Variants in UBE3C observed in about 807,000 individuals in gnomAD.
UBE3C encodes ubiquitin-protein ligase E3C.
In UBE3C, 42 loss-of-function variants were observed where a neutral mutation model predicts 129.4. The ratio of observed to expected loss-of-function variants is 0.32; its 90% CI spans 0.25 to 0.42. The LOEUF (loss-of-function observed/expected upper bound fraction) is 0.42, where lower values mean the gene tolerates loss of function less well. Among genes scored for constraint, UBE3C ranks in the 10% least tolerant of loss-of-function variants. The pLI, the probability that UBE3C is intolerant of heterozygous loss-of-function variation, is 1.00. For missense variants in UBE3C, 1,049 were observed against 1,319.1 expected (o/e 0.80, Z 3.17); for synonymous variants, 510 against 492.4 (o/e 1.04, Z -0.47).
At chr7:157,238,441 A>G (rs1796209443) in intron 18 of UBE3C, among the ~76,000 whole-genome samples, 1 of 152,168 alleles carries the variant, frequency 6.6e-6, no homozygotes, top group Non-Finnish European at 1.5e-5. Flanking sequence ...TAGTGCTGGT[A>G]AGAAGTCATC....
chr7:157,223,688 C>T (rs1795798449), intron 16 of UBE3C, among the ~76,000 whole-genome samples: 1 of 152,084 alleles, frequency 6.6e-6, no homozygotes, highest in South Asian at 2.1e-4. Flanking sequence ...CTTTGGGAGG[C>T]CGAGGCAGGT....
At chr7:157,211,157 C>CCATAT in intron 13 of UBE3C, among the ~76,000 whole-genome samples, 1 of 85,872 alleles carries the variant, frequency 1.2e-5, no homozygotes, top group East Asian at 4.5e-4. Flanking sequence ...CCCTCATTAT[C>CCATAT]CATATGTCTG....
In UBE3C at chr7:157,188,671, A is replaced by T. The variant is rs370217595; in HGVS notation, c.1331+1650A>T. 8.5e-4 allele frequency among the ~76,000 whole-genome samples: 130 copies of T among 152,328 alleles called. 1 individual carries two copies. The highest frequency in any genetic ancestry group is 3.1e-3 in the African/African-American group (128 of 41,582). Reference sequence around the variant, plus strand: ...CTTTCTGTGTAGGCTTGATTTTATGAGTACAGCACCTATTTCCTCTAAGAA... The same window carrying T: ...CTTTCTGTGTAGGCTTGATTTTATGTGTACAGCACCTATTTCCTCTAAGAA... On this transcript the variant is annotated intron_variant, in intron 10 of 22. Transcript: ENST00000348165.
chr7:157,221,523 A>G (rs1468425873), intron 15 of UBE3C: 1 of 152,204 alleles, frequency 6.6e-6, no homozygotes, highest in Non-Finnish European at 1.5e-5. Context: ...TGGGCGGATC[A>G]TCAGGTCAGG....
At chr7:157,207,307 T>G in intron 11 of UBE3C, 91 bp from the exon 12 acceptor site, 3 of 1,499,898 alleles carry the variant, frequency 2.0e-6, no homozygotes, top group Non-Finnish European at 2.7e-6. Context: ...CTTTCCCTGA[T>G]TATATTTGTT....
chr7:157,225,607 GTT>G, intron 17 of UBE3C, 68 bp downstream of exon 17: 1 of 1,465,286 alleles, frequency 6.8e-7, no homozygotes, highest in Non-Finnish European at 9.0e-7. Context: ...GAAAATGGTG[GTT>G]CTTTAAAAAT....
intron 1 of UBE3C, among the ~76,000 whole-genome samples, chr7:157,149,252 C>T (rs984186844): frequency 2.6e-5 from 4 of 152,128 alleles, no homozygotes; most frequent in Non-Finnish European, 5.9e-5. Context: ...AGATGGGTTT[C>T]ACCATCTTGG....
intron 13 of UBE3C, among the ~76,000 whole-genome samples, chr7:157,215,528 T>C (rs1238336882): frequency 6.7e-6 from 1 of 148,166 alleles, no homozygotes; most frequent in Non-Finnish European, 1.5e-5. Flanking sequence ...AACTATAATA[T>C]AAATTATATA....
intron 22 of UBE3C, among the ~76,000 whole-genome samples, chr7:157,259,784 G>A (rs114632624): frequency 3.4e-4 from 52 of 152,234 alleles, no homozygotes; most frequent in African/African-American, 1.1e-3. Context: ...GGGTCGCTGC[G>A]GAACTCTGTA....
At chr7:157,176,856 G>C (rs1808531844) in intron 5 of UBE3C, among the ~76,000 whole-genome samples, 1 of 152,100 alleles carries the variant, frequency 6.6e-6, no homozygotes, top group African/African-American at 2.4e-5. Context: ...TTTTTGATGA[G>C]AAATGGAATT....
In UBE3C at chr7:157,220,696, A is replaced by G. The variant is rs1342146348; in HGVS notation, c.1922A>G (p.Gln641Arg). 2 of 1,614,150 alleles carry G rather than the reference A, an allele frequency of 1.2e-6. No individual in the cohort carries two copies. The highest frequency in any genetic ancestry group is 1.1e-5 in the South Asian group (1 of 91,090). Reference protein sequence around the residue: ...QEDIKADKVTQLYVPASRHVW... With the variant: ...QEDIKADKVTRLYVPASRHVW... Reference sequence around the variant, plus strand: ...CAGGATTGCCCCCGACAGGTCACTCAGCTCTATGTGCCAGCATCCAGACAT... The same window carrying G: ...CAGGATTGCCCCCGACAGGTCACTCGGCTCTATGTGCCAGCATCCAGACAT... Residue 641 changes from glutamine to arginine, a missense_variant, in exon 15 of 23, where the codon CAG becomes CGG. Physicochemically the swap from Gln to Arg is conservative, Grantham distance 43. This residue lies in a region of UBE3C where 314 missense variants were observed against 416.9 expected (regional missense o/e 0.75). Coordinates refer to ENST00000348165, the MANE Select transcript of UBE3C (RefSeq NM_014671.3).
At chr7:157,177,763 G>A (rs6956612) in intron 5 of UBE3C, among the ~76,000 whole-genome samples, 152,294 of 152,298 alleles carry the variant, frequency 1, 76,145 homozygotes, top group Middle Eastern at 1. Flanking sequence ...GGCAGCCTGC[G>A]GTAAGCGGAT....
intron 10 of UBE3C, among the ~76,000 whole-genome samples, chr7:157,190,307 C>A (rs184781059): frequency 6.6e-6 from 1 of 152,194 alleles, no homozygotes; most frequent in East Asian, 1.9e-4. Flanking sequence ...AGCATCTCTC[C>A]CTCTTAAGAG....
intron 2 of UBE3C, among the ~76,000 whole-genome samples, chr7:157,166,321 G>T (rs918472942): frequency 3.3e-5 from 5 of 152,140 alleles, no homozygotes; most frequent in African/African-American, 1.2e-4. Context: ...TTCACTTCCA[G>T]AATTTCTAGT....
intron 21 of UBE3C, among the ~76,000 whole-genome samples, chr7:157,255,306 A>C (rs528122068): frequency 6.6e-6 from 1 of 152,360 alleles, no homozygotes; most frequent in East Asian, 1.9e-4. Context: ...CTAGCTGTCT[A>C]CTGGTGCAAG....
chr7:157,144,232 GC>G (rs1418546098), intron 1 of UBE3C, among the ~76,000 whole-genome samples: 3 of 152,186 alleles, frequency 2.0e-5, no homozygotes, highest in Non-Finnish European at 4.4e-5. Context: ...GGAGTTCAAG[GC>G]TGCAGTGAGC....
At position 157,211,167 on chromosome 7, in the gene UBE3C, G is replaced by GGAGAGAGAGAGAGAGAGAGAGAGAGA. The variant is rs3039783; in HGVS notation, c.1809+3234_1809+3259dup. 1.7e-3 allele frequency among the ~76,000 whole-genome samples: 239 copies of GGAGAGAGAGAGAGAGAGAGAGAGAGA among 137,132 alleles called. 2 individuals carry two copies. The highest frequency in any genetic ancestry group is 4.8e-3 in the African/African-American group (163 of 34,148). 90.0% of individuals were successfully genotyped at this position (137,132 alleles called of 152,430 possible). Reference sequence around the variant, plus strand: ...CCATGCCCTCATTATCCATATGTCTGGAGAGAGAGAGAGAGAGAGAGAGAG... The same window carrying GGAGAGAGAGAGAGAGAGAGAGAGAGA: ...CCATGCCCTCATTATCCATATGTCTGGAGAGAGAGAGAGAGAGAGAGAGAGAGAGAGAGAGAGAGAGAGAGAGAGAG... On this transcript the variant is annotated intron_variant, in intron 13 of 22. Coordinates refer to ENST00000348165, the MANE Select transcript of UBE3C (RefSeq NM_014671.3).
intron 4 of UBE3C, 23 bp downstream of exon 4, chr7:157,170,473 C>T: frequency 1.3e-6 from 2 of 1,509,662 alleles, no homozygotes; most frequent in Middle Eastern, 1.9e-4. Context: ...TACATTTTCA[C>T]TTGTCCTCGT....
chr7:157,205,848 C>G (rs779889003), intron 11 of UBE3C, among the ~76,000 whole-genome samples: 2 of 152,164 alleles, frequency 1.3e-5, no homozygotes, highest in African/African-American at 4.8e-5. Context: ...TTTCTCAAAG[C>G]GGTTGATGAT....
Sources: gnomAD v4.1 joint callset for allele counts (sites outside exome capture counted in the v4.1 genomes callset) on GRCh38, gnomAD v4.1.1 for gene constraint, gnomAD v4.1.1 regional missense constraint, MANE v1.5 for transcripts, NCBI Gene and HGNC (gene_info 2026-07-23, HGNC 2026-07-21) for gene names.